DPH6: variants seen among roughly 807,000 people sequenced by gnomAD.
DPH6 encodes diphthamine biosynthesis 6.
DPH6 carries 33 observed loss-of-function variants against 38.2 expected under a neutral mutation model. The ratio of observed to expected loss-of-function variants is 0.86; its 90% CI spans 0.65 to 1.15. DPH6 has a LOEUF of 1.15. Among genes scored for constraint, DPH6 ranks in the 50% most tolerant of loss-of-function variants. DPH6 has a pLI of 0.00. For missense variants in DPH6, 325 were observed against 320.0 expected, an observed-to-expected ratio of 1.02 and a Z score of -0.12; for synonymous variants, 108 against 103.0, an observed-to-expected ratio of 1.05 and a Z score of -0.30.
At chr15:35,192,765 T>C in the DPH6 span, among the ~76,000 whole-genome samples, 1 of 152,228 alleles carries the variant, frequency 6.6e-6, no homozygotes, top group African/African-American at 2.4e-5. Context: ...AGTAACACCA[T>C]ACAATTTGTA....
chr15:35,477,788 T>A (rs1054573464), intron 3 of DPH6, among the ~76,000 whole-genome samples: 8 of 151,826 alleles, frequency 5.3e-5, no homozygotes, highest in Non-Finnish European at 1.2e-4. Flanking sequence ...CATCGTAGGG[T>A]TCAGCAAAAA....
chr15:35,464,166 C>T (rs560873602), intron 3 of DPH6, among the ~76,000 whole-genome samples: 34 of 152,090 alleles, frequency 2.2e-4, no homozygotes, highest in Admixed American at 7.9e-4. Flanking sequence ...TGGTGGCACG[C>T]GCCTGTAATC....
At chr15:35,405,221 A>ATT (rs376514522) in intron 6 of DPH6, among the ~76,000 whole-genome samples, 6 of 148,908 alleles carry the variant, frequency 4.0e-5, no homozygotes, top group Non-Finnish European at 6.0e-5. Flanking sequence ...AAATTTTAGG[A>ATT]TTTTTTTTTT....
chr15:35,246,587 C>T (rs187304578), intron 3 of DPH6, among the ~76,000 whole-genome samples: 21 of 152,274 alleles, frequency 1.4e-4, no homozygotes, highest in Admixed American at 3.9e-4. Flanking sequence ...ATTTGCACTA[C>T]CCCATGATAC....
At chr15:35,259,099 C>T (rs113529131) in intron 3 of DPH6, among the ~76,000 whole-genome samples, 5,316 of 149,622 alleles carry the variant, frequency 0.036, 375 homozygotes, top group East Asian at 0.34. Context: ...GGGCCGAGAT[C>T]GCACCACTAC....
At chr15:35,222,700 G>A (rs927713661) in intron 3 of DPH6, among the ~76,000 whole-genome samples, 3 of 152,136 alleles carry the variant, frequency 2.0e-5, no homozygotes, top group African/African-American at 7.2e-5. Flanking sequence ...ATAAACAATA[G>A]GGAAGAGGAA....
chr15:35,353,502 A>G (rs2052533484), intron 3 of DPH6, among the ~76,000 whole-genome samples: 1 of 152,204 alleles, frequency 6.6e-6, no homozygotes. Flanking sequence ...ACATATGGCT[A>G]GCCAGTTTTC....
rs62003629 is a variant in DPH6 at position 35,470,772 on chromosome 15, C to T, written c.313-15952G>A. Reference sequence around the variant, plus strand: ...TCTGGCTTCACAGTCTTTAAAAGTACGGAGTGAACTTAGAACAAAACAAAA... The same window carrying T: ...TCTGGCTTCACAGTCTTTAAAAGTATGGAGTGAACTTAGAACAAAACAAAA... On this transcript the variant is annotated intron_variant, in intron 3 of 8. Coordinates refer to ENST00000256538, the MANE Select transcript of DPH6 (RefSeq NM_080650.4). Among the ~76,000 whole-genome samples, 1,490 of 152,164 alleles carry T rather than the reference C, an allele frequency of 9.8e-3. 15 individuals carry two copies. Among genetic ancestry groups the T allele is most frequent in the Non-Finnish European group, 0.014 (983 of 67,992 alleles).
At chr15:35,476,682 TA>T (rs2054267931) in intron 3 of DPH6, among the ~76,000 whole-genome samples, 1 of 151,786 alleles carries the variant, frequency 6.6e-6, no homozygotes, top group African/African-American at 2.4e-5. Flanking sequence ...ATTCTGACAT[TA>T]GTTAGAGGTG....
the DPH6 span, among the ~76,000 whole-genome samples, chr15:35,159,167 G>C: frequency 1.3e-5 from 2 of 151,920 alleles, no homozygotes; most frequent in African/African-American, 4.8e-5. Flanking sequence ...TTCAATACAA[G>C]ACTGAGAAAT....
intron 3 of DPH6, among the ~76,000 whole-genome samples, chr15:35,344,238 T>G (rs1487654009): frequency 6.6e-6 from 1 of 151,974 alleles, no homozygotes; most frequent in Non-Finnish European, 1.5e-5. Context: ...AGAGGAAATG[T>G]GAATTGCTGA....
intron 6 of DPH6, among the ~76,000 whole-genome samples, chr15:35,382,535 T>C (rs1227636757): frequency 6.6e-6 from 1 of 152,072 alleles, no homozygotes; most frequent in African/African-American, 2.4e-5. Flanking sequence ...CTAGATTCAG[T>C]CACAATGTAA....
In DPH6 at chr15:35,532,888, G is replaced by A. The variant is rs528863317; in HGVS notation, c.312+5386C>T. 9.3e-4 allele frequency among the ~76,000 whole-genome samples: 142 copies of A among 152,126 alleles called. 1 individual carries two copies. The highest frequency in any genetic ancestry group is 2.0e-3 in the Admixed American group (31 of 15,280). ...GGAGGCTGAGGCAGGCAGATCACCTGAAGTCAGGAGTTTGAGAACAGCCTG... is the reference window on the plus strand; with the variant it reads ...GGAGGCTGAGGCAGGCAGATCACCTAAAGTCAGGAGTTTGAGAACAGCCTG... On this transcript the variant is annotated intron_variant, in intron 3 of 8. Transcript: ENST00000256538.
At chr15:35,500,144 A>AT (rs1480615904) in intron 3 of DPH6, among the ~76,000 whole-genome samples, 2 of 152,196 alleles carry the variant, frequency 1.3e-5, no homozygotes, top group African/African-American at 4.8e-5. Context: ...GATAATAAAT[A>AT]TATCAGTCCA....
intron 3 of DPH6, among the ~76,000 whole-genome samples, chr15:35,308,483 G>A (rs1469878290): frequency 6.6e-6 from 1 of 152,042 alleles, no homozygotes; most frequent in Non-Finnish European, 1.5e-5. Flanking sequence ...TGAGGGGTGG[G>A]GAAGACCTGA....
chr15:35,247,403 A>ATACTGTTTGAAT (rs1266533623), intron 3 of DPH6, among the ~76,000 whole-genome samples: 7 of 152,226 alleles, frequency 4.6e-5, no homozygotes, highest in African/African-American at 1.7e-4. Context: ...TGTTTGAATG[A>ATACTGTTTGAAT]TGTGCTGTAA....
At chr15:35,340,770 T>C (rs1490564759) in intron 3 of DPH6, among the ~76,000 whole-genome samples, 1 of 152,164 alleles carries the variant, frequency 6.6e-6, no homozygotes, top group African/African-American at 2.4e-5. Context: ...GGGCTTCCCT[T>C]TGTAGGTGAC....
chr15:35,281,721 T>C (rs1167093952), intron 3 of DPH6, among the ~76,000 whole-genome samples: 1 of 152,206 alleles, frequency 6.6e-6, no homozygotes, highest in Non-Finnish European at 1.5e-5. Context: ...ATTTATTGAC[T>C]ATCATGTATG....
chr15:35,389,443 T>A (rs1201067582), intron 6 of DPH6, among the ~76,000 whole-genome samples: 1 of 152,190 alleles, frequency 6.6e-6, no homozygotes, highest in Admixed American at 6.5e-5. Flanking sequence ...CAGTGGGGTG[T>A]TAAAGTCTCC....
Sources: gnomAD v4.1 joint callset for allele counts (sites outside exome capture counted in the v4.1 genomes callset) on GRCh38, gnomAD v4.1.1 for gene constraint, MANE v1.5 for transcripts, NCBI Gene and HGNC (gene_info 2026-07-23, HGNC 2026-07-21) for gene names.